The following STK39 variants were observed in gnomAD, a reference collection of about 807,000 sequenced individuals.
STK39 encodes STE20/SPS1-related proline-alanine-rich protein kinase.
In STK39, 20 loss-of-function variants were observed where a neutral mutation model predicts 77.8. The observed-to-expected ratio is 0.26, with a 90% CI of 0.18 to 0.37. STK39 has a LOEUF of 0.37. Ranked by LOEUF, STK39 falls within the 10% of genes least tolerant of loss-of-function variation. The pLI is 1.00. For synonymous variants in STK39, 246 were observed against 234.1 expected, an observed-to-expected ratio of 1.05 and a Z score of -0.47; for missense variants, 479 against 656.5, an observed-to-expected ratio of 0.73 and a Z score of 2.95.
At chr2:168,244,579 G>A (rs1171750551) in intron 1 of STK39, among the ~76,000 whole-genome samples, 1 of 152,206 alleles carries the variant, frequency 6.6e-6, no homozygotes, top group African/African-American at 2.4e-5. Context: ...ACTTCTGCGT[G>A]TAATGTTTAA....
intron 14 of STK39, among the ~76,000 whole-genome samples, chr2:168,031,264 T>A (rs1182274175): frequency 6.6e-6 from 1 of 152,182 alleles, no homozygotes; most frequent in Non-Finnish European, 1.5e-5. Flanking sequence ...TACCTGACAC[T>A]GTTTCCAGGT....
chr2:167,972,054 A>C (rs1415836369), intron 16 of STK39, among the ~76,000 whole-genome samples: 2 of 152,192 alleles, frequency 1.3e-5, no homozygotes, highest in Non-Finnish European at 2.9e-5. Context: ...GAAACAAACA[A>C]AAAAAAGATG....
intron 1 of STK39, among the ~76,000 whole-genome samples, chr2:168,201,309 G>A (rs576587713): frequency 1.3e-5 from 2 of 152,338 alleles, no homozygotes; most frequent in African/African-American, 4.8e-5. Flanking sequence ...ACTGTGTCTG[G>A]CAGAAAGGTG....
chr2:168,152,460 CTTACT>C (rs1185563262), intron 5 of STK39, among the ~76,000 whole-genome samples: 1 of 152,146 alleles, frequency 6.6e-6, no homozygotes, highest in Non-Finnish European at 1.5e-5. Flanking sequence ...GTCAATCTTC[CTTACT>C]TTACAACGGA....
chr2:168,242,560 A>ATATAT (rs1553464984), intron 1 of STK39, among the ~76,000 whole-genome samples: 6 of 44,864 alleles, frequency 1.3e-4, no homozygotes, highest in Non-Finnish European at 2.0e-4. Context: ...AAAAAAAAAA[A>ATATAT]ATATATATAT....
chr2:168,035,521 G>A (rs937802495), intron 14 of STK39, among the ~76,000 whole-genome samples: 9 of 152,134 alleles, frequency 5.9e-5, no homozygotes, highest in Admixed American at 1.3e-4. Flanking sequence ...TTAGGTAGAC[G>A]TGATCAAGTC....
intron 14 of STK39, among the ~76,000 whole-genome samples, chr2:168,050,019 C>G (rs934619716): frequency 2.0e-5 from 3 of 152,194 alleles, no homozygotes; most frequent in African/African-American, 7.2e-5. Flanking sequence ...TAAGTAATCC[C>G]TCTTATCAGC....
chr2:168,197,541 T>C (rs1302722137), intron 1 of STK39, among the ~76,000 whole-genome samples: 1 of 152,180 alleles, frequency 6.6e-6, no homozygotes, highest in Non-Finnish European at 1.5e-5. Flanking sequence ...GTGCTTCCCG[T>C]GTTCAAGAGA....
intron 10 of STK39, among the ~76,000 whole-genome samples, chr2:168,083,329 C>G (rs1028446541): frequency 6.6e-6 from 1 of 150,600 alleles, no homozygotes; most frequent in Non-Finnish European, 1.5e-5. Context: ...GGACATATAA[C>G]ATATCAAACT....
intron 14 of STK39, among the ~76,000 whole-genome samples, chr2:168,038,040 AAC>A (rs1685003256): frequency 1.3e-5 from 2 of 152,202 alleles, no homozygotes; most frequent in Admixed American, 1.3e-4. Context: ...CAGACAAACA[AAC>A]ACACAGAGTG....
chr2:167,960,187 C>G (rs945619324), intron 17 of STK39, among the ~76,000 whole-genome samples: 21 of 152,192 alleles, frequency 1.4e-4, no homozygotes, highest in African/African-American at 4.8e-4. Context: ...CTATTCTGAT[C>G]ACCAGAGATG....
chr2:168,236,578 G>A (rs1040642325), intron 1 of STK39, among the ~76,000 whole-genome samples: 10 of 152,184 alleles, frequency 6.6e-5, no homozygotes, highest in African/African-American at 2.4e-4. Flanking sequence ...GGTTTTTATG[G>A]TTTTAGGTCT....
chr2:168,014,215 T>C (rs1684348645), intron 15 of STK39, among the ~76,000 whole-genome samples: 1 of 152,202 alleles, frequency 6.6e-6, no homozygotes, highest in African/African-American at 2.4e-5. Flanking sequence ...CCCAGTGCAA[T>C]GGCTCATATC....
chr2:168,160,416 G>C (rs887248531), intron 5 of STK39, among the ~76,000 whole-genome samples: 4 of 152,156 alleles, frequency 2.6e-5, no homozygotes, highest in African/African-American at 7.2e-5. Context: ...CAGTGCAAGG[G>C]AGTATCACTG....
intron 5 of STK39, among the ~76,000 whole-genome samples, chr2:168,156,653 C>A (rs1373748300): frequency 6.6e-6 from 1 of 152,120 alleles, no homozygotes. Flanking sequence ...CCTTTAATGC[C>A]GCAGTATATT....
chr2:167,965,108 G>T (rs1398026087), intron 16 of STK39, among the ~76,000 whole-genome samples: 3 of 121,130 alleles, frequency 2.5e-5, no homozygotes, highest in African/African-American at 8.1e-5. Flanking sequence ...AAAACAAAGA[G>T]GAGAGGTAGT....
chr2:168,164,805 T>C (rs3769383), intron 3 of STK39, among the ~76,000 whole-genome samples: 17,671 of 152,204 alleles, frequency 0.12, 2,070 homozygotes, highest in East Asian at 0.31. Flanking sequence ...ATTAGTATCC[T>C]TGGCACTGTG....
At chr2:167,957,282 T>A (rs1426218541) in intron 17 of STK39, among the ~76,000 whole-genome samples, 1 of 152,218 alleles carries the variant, frequency 6.6e-6, no homozygotes, top group Non-Finnish European at 1.5e-5. Flanking sequence ...GTGATATCTC[T>A]GGTTTCATCT....
intron 5 of STK39, among the ~76,000 whole-genome samples, chr2:168,154,877 T>C (rs1041330481): frequency 6.6e-6 from 1 of 152,178 alleles, no homozygotes; most frequent in Non-Finnish European, 1.5e-5. Context: ...GAGCAGGCTA[T>C]ACAAATGGAG....
Sources: gnomAD v4.1 joint callset for allele counts (sites outside exome capture counted in the v4.1 genomes callset) on GRCh38, gnomAD v4.1.1 for gene constraint, MANE v1.5 for transcripts, NCBI Gene and HGNC (gene_info 2026-07-23, HGNC 2026-07-21) for gene names.